Variants in BICDL1 observed in about 807,000 individuals in gnomAD.
The protein encoded by BICDL1 is BICD family like cargo adaptor 1.
In BICDL1, 20 loss-of-function variants were observed where a neutral mutation model predicts 76.8. That is an observed-to-expected ratio of 0.26 (90% CI 0.18 to 0.38). The LOEUF (loss-of-function observed/expected upper bound fraction) is 0.38. BICDL1 is among the 10% of genes least tolerant of loss of function. The pLI is 1.00. For synonymous variants in BICDL1, 383 were observed against 337.1 expected (o/e 1.14, Z -1.49); for missense variants, 700 against 798.6 (o/e 0.88, Z 1.49).
intron 9 of BICDL1, 32 bp downstream of exon 9, chr12:120,090,103 G>C (rs1308445503): frequency 6.2e-7 from 1 of 1,609,608 alleles, no homozygotes; most frequent in East Asian, 2.2e-5. Flanking sequence ...AGGGCGAGAG[G>C]AGACTCCAGG....
At chr12:120,091,462 C>T in intron 9 of BICDL1, 1 of 999,814 alleles carries the variant, frequency 1.0e-6, no homozygotes. Flanking sequence ...TTTTACTGAG[C>T]ACGTCGTAAG....
chr12:120,085,343 G>T (rs1463317125), intron 8 of BICDL1, among the ~76,000 whole-genome samples: 1 of 152,148 alleles, frequency 6.6e-6, no homozygotes, highest in Non-Finnish European at 1.5e-5. Flanking sequence ...GGCGGAGGTT[G>T]CAGTAAGCCA....
intron 2 of BICDL1, among the ~76,000 whole-genome samples, chr12:120,004,276 C>G (rs1461234873): frequency 6.6e-6 from 1 of 152,160 alleles, no homozygotes. Flanking sequence ...GTGTCTCTAA[C>G]AAACCTCTCC....
intron 3 of BICDL1, 128 bp from the exon 4 acceptor site, chr12:120,064,605 G>A (rs561247015): frequency 8.0e-4 from 687 of 856,886 alleles, no homozygotes; most frequent in Admixed American, 1.5e-3. Context: ...TCTCAGAGAT[G>A]GGGGTACCGT....
At chr12:120,092,448 A>G in intron 9 of BICDL1, 1 of 985,348 alleles carries the variant, frequency 1.0e-6, no homozygotes, top group East Asian at 1.1e-4. Context: ...GGCAGCACCC[A>G]GGGCATCCTT....
At chr12:120,003,396 T>C (rs1325138379) in intron 2 of BICDL1, among the ~76,000 whole-genome samples, 2 of 152,204 alleles carry the variant, frequency 1.3e-5, no homozygotes, top group East Asian at 1.9e-4. Flanking sequence ...TTTGTTGTTG[T>C]TGTTAAATGA....
rs909493606 is a variant in BICDL1, at chr12:120,074,660, TTC to T, written c.1452+81_1452+82del. On this transcript the variant is annotated intron_variant, in intron 7 of 9. Transcript: ENST00000548673. ...TGGCTCTCTTGGGACCCTTTTGAGT[TTC>T]TCTCTCCCATTTCTGTGTGAGAAGT... 18 of 991,514 alleles carry T rather than the reference TTC, an allele frequency of 1.8e-5. No individual in the cohort carries two copies. The African/African-American group carries it at 2.4e-4, about 13-fold the overall frequency. 61.4% of individuals were successfully genotyped at this position (991,514 alleles called of 1,614,324 possible).
At chr12:120,081,705 G>T (rs6490283) in intron 8 of BICDL1, among the ~76,000 whole-genome samples, 51,553 of 149,406 alleles carry the variant, frequency 0.35, 11,943 homozygotes, top group African/African-American at 0.66. Flanking sequence ...TTTTTTTGTT[G>T]TTTGTTTCTA....
At chr12:120,022,070 T>G (rs2034932263) in intron 2 of BICDL1, among the ~76,000 whole-genome samples, 1 of 148,830 alleles carries the variant, frequency 6.7e-6, no homozygotes, top group African/African-American at 2.5e-5. Context: ...ATAACAGAGG[T>G]AGTATGTGGC....
intron 4 of BICDL1, among the ~76,000 whole-genome samples, chr12:120,069,055 C>T (rs1399527535): frequency 1.3e-5 from 2 of 152,102 alleles, no homozygotes; most frequent in African/African-American, 4.8e-5. Context: ...TCAGTTTTAT[C>T]CTGACATAGT....
chr12:120,080,350 A>G (rs867640494), intron 7 of BICDL1, among the ~76,000 whole-genome samples: 1 of 152,168 alleles, frequency 6.6e-6, no homozygotes, highest in Non-Finnish European at 1.5e-5. Flanking sequence ...TTAGGTGTCT[A>G]AGTTCCCTGT....
chr12:120,058,153 A>G (rs917863404), intron 2 of BICDL1, among the ~76,000 whole-genome samples: 4 of 152,010 alleles, frequency 2.6e-5, no homozygotes, highest in Admixed American at 6.6e-5. Flanking sequence ...TCTTAAGGCT[A>G]TTGTAAATTG....
intron 6 of BICDL1, 47 bp downstream of exon 6, chr12:120,072,776 G>C: frequency 6.4e-7 from 1 of 1,562,952 alleles, no homozygotes; most frequent in Non-Finnish European, 8.7e-7. Context: ...GAGCTGGCTG[G>C]TGGGAGGTTA....
chr12:120,087,757 G>T (rs1449478321), intron 8 of BICDL1, among the ~76,000 whole-genome samples: 1 of 152,150 alleles, frequency 6.6e-6, no homozygotes, highest in Non-Finnish European at 1.5e-5. Context: ...ATTTTCTTTT[G>T]CATTGAACAG....
chr12:120,072,851 C>G, intron 6 of BICDL1, 122 bp downstream of exon 6: 1 of 809,638 alleles, frequency 1.2e-6, no homozygotes, highest in Non-Finnish European at 1.9e-6. Context: ...TGCAAGAATT[C>G]TTCTGAGCCC....
intron 2 of BICDL1, among the ~76,000 whole-genome samples, chr12:120,008,009 T>C (rs938103124): frequency 6.6e-6 from 1 of 152,214 alleles, no homozygotes; most frequent in African/African-American, 2.4e-5. Context: ...TTTTTAGTCA[T>C]CCTATTCTAG....
chr12:120,092,021 G>A, intron 9 of BICDL1: 2 of 985,440 alleles, frequency 2.0e-6, no homozygotes, highest in Non-Finnish European at 1.2e-6. Flanking sequence ...CGCAGAGCCT[G>A]CCAGGTTCAA....
At chr12:120,051,990 G>T (rs568969111) in intron 2 of BICDL1, among the ~76,000 whole-genome samples, 9 of 152,142 alleles carry the variant, frequency 5.9e-5, no homozygotes, top group African/African-American at 1.9e-4. Context: ...TCCCAGGCTG[G>T]AGTGCAGTGG....
At chr12:120,045,319 T>C (rs1952725997) in intron 2 of BICDL1, among the ~76,000 whole-genome samples, 1 of 152,054 alleles carries the variant, frequency 6.6e-6, no homozygotes. Flanking sequence ...ACACTGTTGG[T>C]GGGACTGTAA....
Sources: gnomAD v4.1 joint callset for allele counts (sites outside exome capture counted in the v4.1 genomes callset) on GRCh38, gnomAD v4.1.1 for gene constraint, MANE v1.5 for transcripts, NCBI Gene and HGNC (gene_info 2026-07-23, HGNC 2026-07-21) for gene names.